The following DTWD2 variants were observed in gnomAD, a reference collection of about 807,000 sequenced individuals.
The protein encoded by DTWD2 is DTW motif tRNA-uridine aminocarboxypropyltransferase 2.
A neutral mutation model predicts 31.8 loss-of-function variants in DTWD2; 39 were observed. The observed-to-expected ratio is 1.22, with a 90% CI of 0.95 to 1.60. DTWD2 has a LOEUF of 1.60. DTWD2 is among the 40% of genes most tolerant of loss of function. The pLI, the probability that DTWD2 is intolerant of heterozygous loss-of-function variation, is 0.00. For missense variants in DTWD2, 515 were observed against 381.5 expected, an observed-to-expected ratio of 1.35 and a Z score of -2.92; for synonymous variants, 180 against 142.8, an observed-to-expected ratio of 1.26 and a Z score of -1.86.
intron 3 of DTWD2, among the ~76,000 whole-genome samples, chr5:118,933,790 A>C (rs1360568024): frequency 6.6e-6 from 1 of 152,018 alleles, no homozygotes; most frequent in Non-Finnish European, 1.5e-5. Flanking sequence ...AAGGGAACCA[A>C]AGATATACAA....
chr5:118,889,984 G>A (rs1361592450), intron 4 of DTWD2, among the ~76,000 whole-genome samples: 1 of 152,114 alleles, frequency 6.6e-6, no homozygotes, highest in Non-Finnish European at 1.5e-5. Flanking sequence ...AAGTGGGTAA[G>A]TCCATTTTCT....
chr5:118,960,748 T>TAAA (rs147032865), intron 1 of DTWD2, among the ~76,000 whole-genome samples: 6,222 of 150,662 alleles, frequency 0.041, 192 homozygotes, highest in African/African-American at 0.087. Context: ...TATGCAGCCA[T>TAAA]AAAAAAAAAC....
chr5:118,870,435 G>C (rs1264141180), intron 4 of DTWD2, among the ~76,000 whole-genome samples: 1 of 152,108 alleles, frequency 6.6e-6, no homozygotes, highest in African/African-American at 2.4e-5. Context: ...AGATATAGCA[G>C]GTTTAAGTTC....
chr5:118,860,086 C>G (rs1752226131), intron 4 of DTWD2, among the ~76,000 whole-genome samples: 1 of 151,450 alleles, frequency 6.6e-6, no homozygotes, highest in African/African-American at 2.4e-5. Flanking sequence ...CCACTGTACT[C>G]CAGCCAGACT....
At chr5:118,984,455 C>T (rs555896481) in intron 1 of DTWD2, among the ~76,000 whole-genome samples, 11 of 146,178 alleles carry the variant, frequency 7.5e-5, no homozygotes, top group East Asian at 3.9e-4. Flanking sequence ...AGCAAGACTC[C>T]GTTTCAAAAA....
At chr5:118,919,909 C>A (rs1753663626) in intron 4 of DTWD2, among the ~76,000 whole-genome samples, 1 of 152,036 alleles carries the variant, frequency 6.6e-6, no homozygotes, top group Non-Finnish European at 1.5e-5. Flanking sequence ...GATGTAGTCA[C>A]CTGAAGCTGG....
intron 1 of DTWD2, among the ~76,000 whole-genome samples, chr5:118,963,783 T>C (rs987821341): frequency 2.6e-5 from 4 of 152,270 alleles, no homozygotes; most frequent in African/African-American, 9.6e-5. Flanking sequence ...ACCTCTGCAC[T>C]CCTAAATCAC....
At chr5:118,927,643 A>G (rs750947947) in intron 4 of DTWD2, among the ~76,000 whole-genome samples, 5 of 152,118 alleles carry the variant, frequency 3.3e-5, no homozygotes, top group Non-Finnish European at 5.9e-5. Flanking sequence ...GAGAAAAGAG[A>G]TAATTCCCTA....
At chr5:118,952,514 C>G (rs1365480227) in intron 1 of DTWD2, among the ~76,000 whole-genome samples, 1 of 151,944 alleles carries the variant, frequency 6.6e-6, no homozygotes, top group South Asian at 2.1e-4. Context: ...GCGTCTGAGC[C>G]GGGAGAAGGA....
intron 4 of DTWD2, among the ~76,000 whole-genome samples, chr5:118,924,704 C>A (rs974872493): frequency 2.0e-5 from 3 of 152,196 alleles, no homozygotes; most frequent in Non-Finnish European, 4.4e-5. Context: ...AAAATCACTA[C>A]AATTGCCACT....
intron 4 of DTWD2, among the ~76,000 whole-genome samples, chr5:118,925,612 G>A (rs1286947224): frequency 3.9e-5 from 6 of 152,142 alleles, no homozygotes; most frequent in African/African-American, 1.2e-4. Flanking sequence ...TTGGGAGGCC[G>A]AGGCGGGTGG....
chr5:118,840,961 T>C lies in DTWD2; in HGVS notation c.853A>G (p.Lys285Glu). Residue 285 changes from lysine (K) to glutamate (E), a missense_variant, in exon 6 of 6, where the codon AAA becomes GAA. Lys to Glu is a moderately conservative substitution (Grantham distance 56). Coordinates refer to ENST00000510708, the MANE Select transcript of DTWD2 (RefSeq NM_173666.4). The stretch of plus-strand genomic sequence containing the variant: ...ATTAACAATTCCATTTTCCTGAGTT[T>C]GCGTTTGTTCTTTGGCATTGGTTTA... Reference protein sequence around the residue: ...YPKPMPKNKRKLRKMELLMNS... With the variant: ...YPKPMPKNKRELRKMELLMNS... The C allele has an allele frequency of 6.2e-7, 1 of 1,613,806 alleles. No homozygotes were observed. Among genetic ancestry groups the C allele is most frequent in the Non-Finnish European group, 8.5e-7 (1 of 1,179,810 alleles).
At chr5:118,891,078 T>C (rs1260164733) in intron 4 of DTWD2, among the ~76,000 whole-genome samples, 1 of 152,222 alleles carries the variant, frequency 6.6e-6, no homozygotes, top group Non-Finnish European at 1.5e-5. Context: ...TCATTAGTAA[T>C]TTCCAGATGC....
intron 1 of DTWD2, among the ~76,000 whole-genome samples, chr5:118,977,436 C>T (rs1041219360): frequency 1.3e-5 from 2 of 152,126 alleles, no homozygotes; most frequent in African/African-American, 2.4e-5. Flanking sequence ...ATTTAGAAAA[C>T]CCCACTGTCT....
chr5:118,879,441 C>T (rs1028573684), intron 4 of DTWD2, among the ~76,000 whole-genome samples: 3 of 151,760 alleles, frequency 2.0e-5, no homozygotes, highest in Non-Finnish European at 2.9e-5. Context: ...TGAAACCTGT[C>T]TCTACTAAAA....
intron 2 of DTWD2, among the ~76,000 whole-genome samples, chr5:118,940,046 C>T (rs1754145406): frequency 6.6e-6 from 1 of 152,172 alleles, no homozygotes; most frequent in Non-Finnish European, 1.5e-5. Flanking sequence ...TGAGTGTGGG[C>T]TGGATTTATG....
intron 4 of DTWD2, among the ~76,000 whole-genome samples, chr5:118,906,051 A>C (rs1225564036): frequency 6.6e-6 from 1 of 152,202 alleles, no homozygotes; most frequent in Non-Finnish European, 1.5e-5. Flanking sequence ...AAAAGATGTG[A>C]ATGTACACTT....
At chr5:118,953,773 A>C (rs1754518608) in intron 1 of DTWD2, among the ~76,000 whole-genome samples, 2 of 152,276 alleles carry the variant, frequency 1.3e-5, no homozygotes, top group South Asian at 4.2e-4. Flanking sequence ...GCCAGCAGAA[A>C]AGGGTCATCT....
chr5:118,955,492 G>T (rs1288128236), intron 1 of DTWD2, among the ~76,000 whole-genome samples: 1 of 152,098 alleles, frequency 6.6e-6, no homozygotes, highest in Non-Finnish European at 1.5e-5. Context: ...ATTAATAATG[G>T]ATTGAATAAT....
Sources: allele counts gnomAD v4.1 joint callset (sites outside exome capture counted in the v4.1 genomes callset), GRCh38; gene constraint gnomAD v4.1.1; transcripts MANE v1.5; gene names NCBI Gene and HGNC (gene_info 2026-07-23, HGNC 2026-07-21).